Variants in XRN1 observed in about 807,000 individuals in gnomAD.
XRN1 encodes the protein 5'-3' exoribonuclease 1, also known as strand-exchange protein 1 homolog.
A neutral mutation model predicts 222.3 loss-of-function variants in XRN1; 67 were observed. The observed-to-expected ratio is 0.30, with a 90% CI of 0.25 to 0.37. The LOEUF (loss-of-function observed/expected upper bound fraction) is 0.37. XRN1 is among the 10% of genes least tolerant of loss of function. The pLI is 1.00. For synonymous variants in XRN1, 643 were observed against 652.4 expected, an observed-to-expected ratio of 0.99 and a Z score of 0.22; for missense variants, 1,707 against 2,000.2, an observed-to-expected ratio of 0.85 and a Z score of 2.80.
intron 30 of XRN1, among the ~76,000 whole-genome samples, chr3:142,359,271 T>C (rs2107839457): frequency 6.6e-6 from 1 of 152,304 alleles, no homozygotes; most frequent in African/African-American, 2.4e-5. Context: ...ATAGTCAAAC[T>C]TCCCAAGTGT....
At chr3:142,334,803 A>ACACACAC (rs57347012) in intron 34 of XRN1, among the ~76,000 whole-genome samples, 196 of 134,298 alleles carry the variant, frequency 1.5e-3, no homozygotes, top group African/African-American at 5.2e-3. Context: ...CACACACACA[A>ACACACAC]AAGACCATAT....
chr3:142,405,097 G>A (rs1213729662), intron 15 of XRN1, 21 bp from the exon 16 acceptor site: 2 of 1,610,044 alleles, frequency 1.2e-6, no homozygotes, highest in Non-Finnish European at 8.5e-7. Context: ...GGATTGAAGA[G>A]AAGGGTTACA....
intron 32 of XRN1, 132 bp from the exon 33 acceptor site, chr3:142,347,474 TAGAG>T: frequency 5.4e-6 from 3 of 553,158 alleles, no homozygotes; most frequent in South Asian, 4.2e-5. Flanking sequence ...CAGAAAAGTA[TAGAG>T]ACTTTTAAAG....
intron 12 of XRN1, chr3:142,418,205 T>C (rs1025087119): frequency 2.9e-5 from 8 of 272,458 alleles, no homozygotes; most frequent in Admixed American, 5.3e-5. Context: ...CCAATTATGA[T>C]GAACCTTCTT....
In XRN1 at chr3:142,343,011, G is replaced by T. The variant is rs544963821; in HGVS notation, c.3877+4223C>A. Among the ~76,000 whole-genome samples the T allele has an allele frequency of 2.0e-5, 3 of 152,080 alleles. No homozygotes were observed. In the South Asian group the frequency reaches 6.2e-4, roughly 32 times the overall value. On this transcript the variant is annotated intron_variant, in intron 33 of 40. Transcript: ENST00000392981. ...ATACACAGAATGGGAAAAAATATTT[G>T]CAAACTATCCATCTGACAAGATGGA...
rs748908555 is a variant in XRN1 at position 142,356,948 on chromosome 3, G to C, written c.3636C>G (p.Leu1212=). ...CAAAAAGTGATTGAGGGGAATGGTT[G>C]AGGGCTCCCAAATGCCCAGAGGAAA... The part of the protein sequence containing the change: ...SSVSSGHLGA[L]NHSPQSLFVP... Residue 1212 remains leucine (L), a synonymous_variant, in exon 31 of 41, where the codon CTC becomes CTG. Transcript: ENST00000392981. The C allele has an allele frequency of 1.2e-6, 2 of 1,614,074 alleles. No homozygotes were observed. Among genetic ancestry groups the C allele is most frequent in the Non-Finnish European group, 1.7e-6 (2 of 1,179,972 alleles).
intron 22 of XRN1, 111 bp downstream of exon 22, chr3:142,383,189 C>G (rs1374518082): frequency 3.5e-6 from 3 of 853,122 alleles, no homozygotes; most frequent in Non-Finnish European, 5.6e-6. Flanking sequence ...TGGATAAATT[C>G]TTTATTTTTT....
intron 18 of XRN1, 94 bp from the exon 19 acceptor site, chr3:142,400,641 A>T (rs1239093042): frequency 6.4e-6 from 6 of 934,290 alleles, no homozygotes; most frequent in Non-Finnish European, 9.7e-6. Context: ...TAAGTTTTTT[A>T]AATTCTAAAA....
chr3:142,334,045 G>T (rs73867022), intron 34 of XRN1, among the ~76,000 whole-genome samples: 10,770 of 152,166 alleles, frequency 0.071, 1,281 homozygotes, highest in African/African-American at 0.25. Flanking sequence ...CAACAGTGGT[G>T]ATTCTAATTG....
At chr3:142,312,259 T>C (rs1252568745) in intron 40 of XRN1, among the ~76,000 whole-genome samples, 1 of 152,106 alleles carries the variant, frequency 6.6e-6, no homozygotes, top group African/African-American at 2.4e-5. Flanking sequence ...CAGCCTGGGC[T>C]ACAGAGTGAG....
At chr3:142,446,541 CCA>C (rs1430091985) in intron 1 of XRN1, among the ~76,000 whole-genome samples, 1 of 152,102 alleles carries the variant, frequency 6.6e-6, no homozygotes, top group Non-Finnish European at 1.5e-5. Flanking sequence ...AAATTCTGTG[CCA>C]CAGACTACAG....
intron 37 of XRN1, among the ~76,000 whole-genome samples, chr3:142,327,866 T>C (rs565113947): frequency 3.9e-4 from 59 of 152,264 alleles, no homozygotes; most frequent in African/African-American, 1.4e-3. Context: ...CTCTATTATT[T>C]CACACTCTAT....
intron 10 of XRN1, among the ~76,000 whole-genome samples, chr3:142,420,607 G>C (rs902082117): frequency 6.6e-6 from 1 of 152,004 alleles, no homozygotes; most frequent in Non-Finnish European, 1.5e-5. Context: ...CCTGACCTCA[G>C]GTAATCCACC....
intron 39 of XRN1, among the ~76,000 whole-genome samples, chr3:142,316,578 A>C (rs964403218): frequency 6.6e-6 from 1 of 152,074 alleles, no homozygotes; most frequent in African/African-American, 2.4e-5. Flanking sequence ...TCTATTAATA[A>C]CCTTCCTTAC....
chr3:142,345,715 A>C (rs1044923775), intron 33 of XRN1, among the ~76,000 whole-genome samples: 1 of 152,326 alleles, frequency 6.6e-6, no homozygotes, highest in Non-Finnish European at 1.5e-5. Flanking sequence ...AAAAAGATTA[A>C]AAAATCCAAT....
At chr3:142,335,606 T>C (rs1245206032) in intron 33 of XRN1, 97 bp from the exon 34 acceptor site, 1 of 1,081,078 alleles carries the variant, frequency 9.3e-7, no homozygotes, top group African/African-American at 1.6e-5. Flanking sequence ...GTGTTAAAAA[T>C]TCAGAGAATT....
intron 32 of XRN1, 89 bp downstream of exon 32, chr3:142,355,312 A>G: frequency 1.6e-6 from 1 of 644,554 alleles, no homozygotes; most frequent in African/African-American, 1.9e-5. Flanking sequence ...ATGAGATGTC[A>G]CAGAAAAATA....
chr3:142,350,411 T>C (rs868641687), intron 32 of XRN1, among the ~76,000 whole-genome samples: 6 of 152,074 alleles, frequency 3.9e-5, no homozygotes, highest in East Asian at 1.9e-4. Context: ...ATGTGAGTTA[T>C]AGAAAATGTG....
rs1321638788 is a variant in XRN1 at position 142,417,060 on chromosome 3, G to C, written c.1436+80C>G. The C allele has an allele frequency of 3.4e-5, 33 of 960,930 alleles. 1 individual carries two copies. In the Admixed American group the frequency reaches 8.9e-4, roughly 26 times the overall value. 59.5% of individuals were successfully genotyped at this position (960,930 alleles called of 1,614,324 possible). On this transcript the variant is annotated intron_variant, in intron 13 of 40. Coordinates refer to ENST00000392981, the MANE Select transcript of XRN1 (RefSeq NM_001282857.2). ...AAATTACCATAAGTAGAAATAAAAG[G>C]AAGTGCTTCCTAAATAAGACTCTAG...
Sources: allele counts gnomAD v4.1 joint callset (sites outside exome capture counted in the v4.1 genomes callset), GRCh38; gene constraint gnomAD v4.1.1; transcripts MANE v1.5; gene names NCBI Gene and HGNC (gene_info 2026-07-23, HGNC 2026-07-21).